MTARC2: variants seen among roughly 807,000 people sequenced by gnomAD.
The protein encoded by MTARC2 is MOCO sulphurase C-terminal domain containing 2.
In MTARC2, 27 loss-of-function variants were observed where a neutral mutation model predicts 35.6. The ratio of observed to expected loss-of-function variants is 0.76; its 90% CI spans 0.56 to 1.04. MTARC2 has a LOEUF of 1.04. Ranked by LOEUF, MTARC2 falls within the 50% of genes least tolerant of loss-of-function variation. The pLI, the probability that MTARC2 is intolerant of heterozygous loss-of-function variation, is 0.00. For missense variants in MTARC2, 412 were observed against 432.5 expected (o/e 0.95, Z 0.42); for synonymous variants, 158 against 167.1 (o/e 0.95, Z 0.42).
At chr1:220,749,908 G>A (rs894499994) in intron 1 of MTARC2, among the ~76,000 whole-genome samples, 5 of 152,180 alleles carry the variant, frequency 3.3e-5, no homozygotes, top group Admixed American at 1.3e-4. Context: ...TTAAAGAAAT[G>A]TGGACTTCCA....
At chr1:220,757,507 G>A (rs1216206407) in intron 2 of MTARC2, among the ~76,000 whole-genome samples, 2 of 152,146 alleles carry the variant, frequency 1.3e-5, no homozygotes, top group African/African-American at 4.8e-5. Context: ...CCATAGTCTG[G>A]GTGGCTTAAA....
intron 4 of MTARC2, among the ~76,000 whole-genome samples, chr1:220,769,075 C>T (rs1199798279): frequency 6.6e-6 from 1 of 152,240 alleles, no homozygotes; most frequent in African/African-American, 2.4e-5. Flanking sequence ...GCCAACAGAA[C>T]TCCTTTACTT....
chr1:220,781,349 A>G (rs1672065556), intron 6 of MTARC2, among the ~76,000 whole-genome samples: 1 of 152,230 alleles, frequency 6.6e-6, no homozygotes, highest in Non-Finnish European at 1.5e-5. Context: ...TTTGTTCACC[A>G]GTGAACCCCA....
chr1:220,756,259 T>C (rs1473059902), intron 2 of MTARC2: 1 of 152,218 alleles, frequency 6.6e-6, no homozygotes, highest in Admixed American at 6.5e-5. Context: ...TTGTTAAGTG[T>C]GTGGAAGTTG....
intron 4 of MTARC2, among the ~76,000 whole-genome samples, chr1:220,775,991 C>T (rs1246701981): frequency 1.3e-5 from 2 of 152,114 alleles, no homozygotes; most frequent in Non-Finnish European, 2.9e-5. Context: ...TGAATATACG[C>T]GTGCATGTGT....
At chr1:220,766,978 C>CAA (rs60167839) in intron 4 of MTARC2, among the ~76,000 whole-genome samples, 1 of 127,534 alleles carries the variant, frequency 7.8e-6, no homozygotes, top group Non-Finnish European at 1.8e-5. Context: ...CCCACCTCTA[C>CAA]AAAAAAAAAA....
chr1:220,748,607 G>C lies in MTARC2; in HGVS notation c.76G>C (p.Ala26Pro). 6.9e-7 allele frequency: 1 copy of C among 1,454,046 alleles called. No homozygotes were observed. Among genetic ancestry groups the C allele is most frequent in the Non-Finnish European group, 9.0e-7 (1 of 1,113,270 alleles). The allele number at this position is 1,454,046 out of a possible 1,614,324, so 90.1% of individuals were successfully genotyped here. A position where few individuals can be genotyped will look rare whatever the true frequency, so the allele number is the denominator to read the frequency against. Residue 26 changes from alanine (A) to proline (P), a missense_variant, in exon 1 of 8, where the codon GCC (alanine) becomes CCC (proline). Physicochemically the swap from Ala to Pro is conservative, Grantham distance 27. Transcript: ENST00000366913. ...ARPWPRWLGV[A>P]ALGLAAVALG... ...GCCCTGGCCCAGGTGGCTCGGGGTC[G>C]CCGCGCTAGGACTGGCCGCCGTGGC... is the stretch of plus-strand genomic sequence containing the variant.
In MTARC2 at chr1:220,780,042, G is replaced by A. The variant is rs752931958; in HGVS notation, c.775G>A (p.Gly259Ser). Residue 259 changes from glycine (G) to serine (S), a missense_variant, in exon 5 of 8, where the codon GGT becomes AGT. By Grantham distance (56) the Gly-to-Ser change is moderately conservative (BLOSUM62 0). Transcript: ENST00000366913. ...EEDTWDELLI[G>S]SVEVKKVMAC... ...GGATACCTGGGATGAACTCCTAATT[G>A]GTAGTGTAGAAGTGAAAAAGGTAAT... 3.9e-6 allele frequency: 6 copies of A among 1,539,048 alleles called. No individual in the cohort carries two copies. Among genetic ancestry groups the A allele is most frequent in the Non-Finnish European group, 4.3e-6 (5 of 1,153,448 alleles).
chr1:220,758,046 G>C (rs887883031), intron 2 of MTARC2, among the ~76,000 whole-genome samples: 9 of 151,860 alleles, frequency 5.9e-5, no homozygotes, highest in African/African-American at 2.2e-4. Flanking sequence ...GTGCAGTGGC[G>C]CGATCTCAAC....
intron 1 of MTARC2, among the ~76,000 whole-genome samples, chr1:220,751,357 G>C (rs1463020672): frequency 6.6e-6 from 1 of 152,174 alleles, no homozygotes; most frequent in Non-Finnish European, 1.5e-5. Context: ...GTTGCTGGGA[G>C]GGCGTGCTTG....
chr1:220,779,340 C>T (rs1457459345), intron 4 of MTARC2, among the ~76,000 whole-genome samples: 1 of 152,140 alleles, frequency 6.6e-6, no homozygotes, highest in East Asian at 1.9e-4. Flanking sequence ...AGATTTCAAA[C>T]CCAGCTGCTT....
chr1:220,755,113 A>G lies in MTARC2; in HGVS notation c.439A>G (p.Asn147Asp). The change falls in exon 2 of 8, where the codon AAC becomes GAC. Residue 147 changes from asparagine to aspartate, a missense_variant. Transcript: ENST00000366913. ...GCAGCCTTCCTCAAACAAACTCCAC[A>G]ACTGCAGGTGTTCCGCTTGGGGGCA... ...SKQPSSNKLHNCRIFGLDIKG... is the reference protein window; with the variant it reads ...SKQPSSNKLHDCRIFGLDIKG... The G allele has an allele frequency of 6.2e-7, 1 of 1,605,116 alleles. No individual in the cohort carries two copies. Among genetic ancestry groups the G allele is most frequent in the East Asian group, 2.2e-5 (1 of 44,508 alleles).
chr1:220,748,581 G>C lies in MTARC2; in HGVS notation c.50G>C (p.Arg17Pro). ...SALARLGLPARPWPRWLGVAA... is the reference protein window; with the variant it reads ...SALARLGLPAPPWPRWLGVAA... ...CTGGCCCGCCTCGGCCTCCCAGCCC[G>C]GCCCTGGCCCAGGTGGCTCGGGGTC... is the stretch of plus-strand genomic sequence containing the variant. Residue 17 changes from arginine to proline, a missense_variant, in exon 1 of 8, where the codon CGG (arginine) becomes CCG (proline). Physicochemically the swap from Arg to Pro is moderately radical, Grantham distance 103. Transcript: ENST00000366913. The C allele has an allele frequency of 6.2e-6, 9 of 1,449,928 alleles. No homozygotes were observed. The highest frequency in any genetic ancestry group is 7.2e-6 in the Non-Finnish European group (8 of 1,110,026). 89.8% of individuals were successfully genotyped at this position (1,449,928 alleles called of 1,614,324 possible).
chr1:220,781,434 C>T (rs1335597683), intron 6 of MTARC2, among the ~76,000 whole-genome samples: 1 of 152,162 alleles, frequency 6.6e-6, no homozygotes, highest in African/African-American at 2.4e-5. Flanking sequence ...TTGTAGAGTT[C>T]AGGGCCATTC....
intron 4 of MTARC2, among the ~76,000 whole-genome samples, chr1:220,772,432 G>A (rs1410218463): frequency 6.6e-6 from 1 of 152,104 alleles, no homozygotes; most frequent in African/African-American, 2.4e-5. Flanking sequence ...ATGTAAGTTG[G>A]TAATTCTTAG....
chr1:220,774,481 T>G (rs142138339), intron 4 of MTARC2, among the ~76,000 whole-genome samples: 1 of 152,342 alleles, frequency 6.6e-6, no homozygotes, highest in Non-Finnish European at 1.5e-5. Context: ...TAGTTTAAAG[T>G]TGTTTCTAAC....
chr1:220,761,620 T>C, intron 2 of MTARC2, 38 bp from the exon 3 acceptor site: 1 of 1,581,828 alleles, frequency 6.3e-7, no homozygotes. Flanking sequence ...TGTATTGATA[T>C]AAGTAAGTAA....
In MTARC2 at chr1:220,748,511, C is replaced by T; in HGVS notation, c.-21C>T. ...TCGCTGCCGGGTCTGTGCGCCGGTC[C>T]GCGCCCGCCCTCGCTCTGCCATGGG... On this transcript the variant is annotated 5_prime_UTR_variant, in exon 1 of 8. Transcript: ENST00000366913. 1.5e-6 allele frequency: 2 copies of T among 1,377,216 alleles called. No homozygotes were observed. The highest frequency in any genetic ancestry group is 1.9e-6 in the Non-Finnish European group (2 of 1,076,272). The allele number at this position is 1,377,216 out of a possible 1,614,324, so 85.3% of individuals were successfully genotyped here.
At chr1:220,752,630 C>G (rs1040492885) in intron 1 of MTARC2, among the ~76,000 whole-genome samples, 4 of 151,836 alleles carry the variant, frequency 2.6e-5, no homozygotes, top group Admixed American at 1.3e-4. Flanking sequence ...TTAATTGAGC[C>G]AGGAGTTCCA....
Sources: allele counts gnomAD v4.1 joint callset (sites outside exome capture counted in the v4.1 genomes callset), GRCh38; gene constraint gnomAD v4.1.1; transcripts MANE v1.5; gene names NCBI Gene and HGNC (gene_info 2026-07-23, HGNC 2026-07-21).